TBL1XR1: variants seen among roughly 807,000 people sequenced by gnomAD.
The protein encoded by TBL1XR1 is F-box-like/WD repeat-containing protein TBL1XR1.
Under a neutral mutation model 66.9 loss-of-function variants are expected in TBL1XR1, and 5 were observed. The ratio of observed to expected loss-of-function variants is 0.07; its 90% confidence interval spans 0.04 to 0.16. The LOEUF (loss-of-function observed/expected upper bound fraction) is 0.16. Among genes scored for constraint, TBL1XR1 ranks in the 10% least tolerant of loss-of-function variants. TBL1XR1 has a pLI of 1.00. For synonymous variants in TBL1XR1, 210 were observed against 206.0 expected, an observed-to-expected ratio of 1.02 and a Z score of -0.17; for missense variants, 238 against 623.2, an observed-to-expected ratio of 0.38 and a Z score of 6.58.
At chr3:177,035,025 A>G (rs1298383818) in intron 12 of TBL1XR1, among the ~76,000 whole-genome samples, 1 of 152,146 alleles carries the variant, frequency 6.6e-6, no homozygotes, top group African/African-American at 2.4e-5. Flanking sequence ...GCCAAACCCA[A>G]GGAGGGCCAA....
chr3:177,181,631 T>G (rs1372057884), intron 1 of TBL1XR1, among the ~76,000 whole-genome samples: 1 of 151,870 alleles, frequency 6.6e-6, no homozygotes, highest in Non-Finnish European at 1.5e-5. Context: ...GGCCACAGAA[T>G]CACTTGTGCA....
At chr3:177,199,379 C>CT (rs11293475), upstream of TBL1XR1, among the ~76,000 whole-genome samples, 239 of 145,196 alleles carry the variant, frequency 1.6e-3, no homozygotes, top group South Asian at 3.7e-3. Context: ...TAGTATCTTC[C>CT]TTTTTTTTTT....
intron 1 of TBL1XR1, among the ~76,000 whole-genome samples, chr3:177,196,646 C>G (rs1172883185): frequency 6.6e-6 from 1 of 151,738 alleles, no homozygotes; most frequent in Admixed American, 6.6e-5. Flanking sequence ...CCGAAAAGCT[C>G]CTTCTCCTCT....
At chr3:177,170,967 T>C (rs1195303586) in intron 1 of TBL1XR1, among the ~76,000 whole-genome samples, 2 of 152,138 alleles carry the variant, frequency 1.3e-5, no homozygotes, top group Non-Finnish European at 2.9e-5. Context: ...AAACACCTTT[T>C]TGAAGCCCAC....
intron 10 of TBL1XR1, among the ~76,000 whole-genome samples, chr3:177,044,179 T>A (rs1716000343): frequency 6.6e-6 from 1 of 152,172 alleles, no homozygotes; most frequent in Non-Finnish European, 1.5e-5. Flanking sequence ...CACATGTTGT[T>A]TAATAACATA....
Position 177,046,117 on chromosome 3 carries a change from T to A in TBL1XR1, c.925+12A>T, listed in dbSNP as rs1196519775. 3 of 1,527,284 alleles carry A rather than the reference T, an allele frequency of 2.0e-6. No individual in the cohort carries two copies. Among genetic ancestry groups the A allele is most frequent in the Non-Finnish European group, 2.6e-6 (3 of 1,139,162 alleles). 94.6% of individuals were successfully genotyped at this position (1,527,284 alleles called of 1,614,324 possible). A position where few individuals can be genotyped will look rare whatever the true frequency, so the allele number is the denominator to read the frequency against. ...CAAGCTCCAGCTTTCACGTAAATTA[T>A]AAGAAATTTACCTGAATGAAAAGGA... is the stretch of plus-strand genomic sequence containing the variant. On this transcript the variant is annotated intron_variant, in intron 10 of 15. Coordinates refer to ENST00000457928, the MANE Select transcript of TBL1XR1 (RefSeq NM_024665.7).
chr3:177,080,877 T>C (rs1721308827), intron 2 of TBL1XR1, among the ~76,000 whole-genome samples: 1 of 152,224 alleles, frequency 6.6e-6, no homozygotes, highest in Admixed American at 6.5e-5. Flanking sequence ...TTATATTTAT[T>C]TGTTCCTTTA....
intron 1 of TBL1XR1, among the ~76,000 whole-genome samples, chr3:177,143,600 C>CTGAGTGAAAATTCAGTAAAGT (rs1162530404): frequency 6.6e-6 from 1 of 152,036 alleles, no homozygotes; most frequent in African/African-American, 2.4e-5. Flanking sequence ...AGTGCCTGTG[C>CTGAGTGAAAATTCAGTAAAGT]AAGTGAAAAT....
rs1462490526 is a variant in TBL1XR1 at position 177,033,101 on chromosome 3, A to G, written c.1286T>C (p.Val429Ala). The G allele has an allele frequency of 1.9e-6, 3 of 1,590,754 alleles. No homozygotes were observed. Among genetic ancestry groups the G allele is most frequent in the Non-Finnish European group, 2.6e-6 (3 of 1,167,128 alleles). The change falls in exon 14 of 16, where the codon GTA (valine) becomes GCA (alanine). Residue 429 changes from valine (V) to alanine (A), a missense_variant. Physicochemically the swap from Val to Ala is moderately conservative, Grantham distance 64. Coordinates refer to ENST00000457928, the MANE Select transcript of TBL1XR1 (RefSeq NM_024665.7). The part of the protein sequence containing the change: ...SFDSTVRLWD[V>A]DRGICIHTLT... ...GGTATGGATGCATATCCCTCGGTCT[A>G]CATCCCATAACCTAACAGTAGAATC...
chr3:177,145,058 T>G (rs1215739582), intron 1 of TBL1XR1, among the ~76,000 whole-genome samples: 2 of 152,276 alleles, frequency 1.3e-5, no homozygotes, highest in Non-Finnish European at 2.9e-5. Flanking sequence ...TTTTGTTGAC[T>G]GTTTAATTAT....
At chr3:177,166,051 C>A (rs766949120) in intron 1 of TBL1XR1, among the ~76,000 whole-genome samples, 18 of 152,094 alleles carry the variant, frequency 1.2e-4, no homozygotes, top group Non-Finnish European at 1.6e-4. Flanking sequence ...GATAACCTCA[C>A]TGCACTCCAG....
chr3:177,049,229 T>C (rs900261380), intron 7 of TBL1XR1, among the ~76,000 whole-genome samples: 9 of 152,176 alleles, frequency 5.9e-5, no homozygotes, highest in African/African-American at 2.2e-4. Context: ...AAAGGGTTGT[T>C]AAACAGAAGA....
intron 1 of TBL1XR1, among the ~76,000 whole-genome samples, chr3:177,191,067 C>T (rs1172710606): frequency 6.6e-6 from 1 of 152,012 alleles, no homozygotes; most frequent in East Asian, 1.9e-4. Context: ...TGCACAAAAG[C>T]AAAGTAGTGA....
At chr3:177,104,708 C>T (rs1158344882) in intron 1 of TBL1XR1, among the ~76,000 whole-genome samples, 2 of 152,208 alleles carry the variant, frequency 1.3e-5, no homozygotes, top group Non-Finnish European at 2.9e-5. Context: ...CTCAAGACCA[C>T]ATACTCACAT....
intron 12 of TBL1XR1, 105 bp from the exon 13 acceptor site, chr3:177,034,430 G>A: frequency 4.2e-6 from 3 of 712,794 alleles, no homozygotes; most frequent in Non-Finnish European, 4.1e-6. Flanking sequence ...TAAAACATGA[G>A]TGATATAACC....
intron 14 of TBL1XR1, among the ~76,000 whole-genome samples, chr3:177,029,431 G>A (rs1185664185): frequency 6.6e-6 from 1 of 152,052 alleles, no homozygotes; most frequent in Non-Finnish European, 1.5e-5. Context: ...GCCAGACTGG[G>A]CAACATGGCA....
chr3:177,119,508 G>A (rs1454953876), intron 1 of TBL1XR1, among the ~76,000 whole-genome samples: 1 of 152,118 alleles, frequency 6.6e-6, no homozygotes, highest in African/African-American at 2.4e-5. Context: ...GAATCCTGAG[G>A]CAGAGAAACC....
intron 3 of TBL1XR1, among the ~76,000 whole-genome samples, chr3:177,061,776 T>C (rs1232671315): frequency 6.6e-6 from 1 of 152,254 alleles, no homozygotes; most frequent in Non-Finnish European, 1.5e-5. Flanking sequence ...TAATTCTCAA[T>C]AAGTATCATT....
intron 2 of TBL1XR1, among the ~76,000 whole-genome samples, chr3:177,070,292 A>C (rs1047998370): frequency 2.6e-5 from 4 of 152,228 alleles, no homozygotes; most frequent in Non-Finnish European, 5.9e-5. Context: ...AAAAGTGATT[A>C]TTTACACAGA....
Sources: gnomAD v4.1 joint callset for allele counts (sites outside exome capture counted in the v4.1 genomes callset) on GRCh38, gnomAD v4.1.1 for gene constraint, MANE v1.5 for transcripts, NCBI Gene and HGNC (gene_info 2026-07-23, HGNC 2026-07-21) for gene names.